Variants in NELL1 observed in about 807,000 individuals in gnomAD.
NELL1 encodes the protein protein kinase C-binding protein NELL1.
Under a neutral mutation model 107.4 loss-of-function variants are expected in NELL1, and 76 were observed. The observed-to-expected ratio is 0.71, with a 90% CI of 0.59 to 0.86. The LOEUF is 0.86. NELL1 is among the 40% of genes least tolerant of loss of function. The pLI is 0.00. For missense variants in NELL1, 1,024 were observed against 1,005.5 expected, an observed-to-expected ratio of 1.02 and a Z score of -0.25; for synonymous variants, 353 against 341.2, an observed-to-expected ratio of 1.03 and a Z score of -0.38.
At chr11:20,872,024 A>AAG (rs1477081231) in intron 4 of NELL1, among the ~76,000 whole-genome samples, 1 of 149,352 alleles carries the variant, frequency 6.7e-6, no homozygotes, top group East Asian at 2.0e-4. Context: ...GTCTCAAAAA[A>AAG]AAAAAAAAAA....
At chr11:21,077,003 C>T (rs975219853) in intron 12 of NELL1, among the ~76,000 whole-genome samples, 3 of 152,042 alleles carry the variant, frequency 2.0e-5, no homozygotes, top group African/African-American at 7.2e-5. Context: ...TATAAATTAC[C>T]GAGTCTCAGG....
intron 13 of NELL1, among the ~76,000 whole-genome samples, chr11:21,128,089 G>A (rs1023982981): frequency 3.9e-4 from 59 of 152,124 alleles, no homozygotes; most frequent in Non-Finnish European, 1.5e-4. Context: ...TCCTGGAGGG[G>A]AGCATCTTAG....
chr11:21,136,495 A>G (rs1405826412), intron 13 of NELL1, among the ~76,000 whole-genome samples: 1 of 152,158 alleles, frequency 6.6e-6, no homozygotes, highest in Non-Finnish European at 1.5e-5. Context: ...CTATATTTCC[A>G]ATATAGAAAT....
At chr11:21,277,778 C>A (rs1467316338) in intron 14 of NELL1, among the ~76,000 whole-genome samples, 2 of 152,086 alleles carry the variant, frequency 1.3e-5, no homozygotes, top group Non-Finnish European at 2.9e-5. Context: ...AAACCATCAT[C>A]CTCAGCAAAC....
At chr11:20,901,648 C>T (rs1367824731) in intron 5 of NELL1, among the ~76,000 whole-genome samples, 1 of 150,350 alleles carries the variant, frequency 6.7e-6, no homozygotes, top group African/African-American at 2.4e-5. Flanking sequence ...AAGACATTTT[C>T]TGAGGGAGAA....
chr11:21,468,344 T>C (rs1250052690), intron 15 of NELL1, among the ~76,000 whole-genome samples: 1 of 152,142 alleles, frequency 6.6e-6, no homozygotes, highest in Non-Finnish European at 1.5e-5. Flanking sequence ...TTCTTAATTA[T>C]GCATCCTTAG....
At chr11:21,409,015 C>G (rs1590909440) in intron 15 of NELL1, among the ~76,000 whole-genome samples, 1 of 152,000 alleles carries the variant, frequency 6.6e-6, no homozygotes, top group East Asian at 1.9e-4. Flanking sequence ...TTGTGGAAGT[C>G]AGTGTGGCGA....
chr11:21,047,836 G>A (rs1476585276), intron 12 of NELL1, among the ~76,000 whole-genome samples: 1 of 152,166 alleles, frequency 6.6e-6, no homozygotes, highest in Non-Finnish European at 1.5e-5. Context: ...AGTCTAAAAG[G>A]TGTACAGCAG....
intron 2 of NELL1, among the ~76,000 whole-genome samples, chr11:20,703,419 C>G (rs1473234040): frequency 6.6e-6 from 1 of 152,084 alleles, no homozygotes; most frequent in Non-Finnish European, 1.5e-5. Flanking sequence ...TGCTAGCAGT[C>G]TATGAATTTT....
intron 15 of NELL1, among the ~76,000 whole-genome samples, chr11:21,453,110 T>G (rs1412111007): frequency 6.6e-6 from 1 of 152,126 alleles, no homozygotes; most frequent in Non-Finnish European, 1.5e-5. Context: ...ATTTTCTAAA[T>G]GTCAATAAGG....
intron 13 of NELL1, among the ~76,000 whole-genome samples, chr11:21,118,964 T>A (rs745558890): frequency 1.3e-5 from 2 of 152,032 alleles, no homozygotes; most frequent in Non-Finnish European, 2.9e-5. Context: ...ATTATTTTAC[T>A]ATGTATGAAA....
chr11:21,187,888 A>G (rs1358369415), intron 13 of NELL1, among the ~76,000 whole-genome samples: 1 of 151,924 alleles, frequency 6.6e-6, no homozygotes, highest in Non-Finnish European at 1.5e-5. Context: ...GATATCATGC[A>G]CTTTAGTAGA....
At chr11:20,694,543 C>A (rs1464347005) in intron 2 of NELL1, among the ~76,000 whole-genome samples, 1 of 152,008 alleles carries the variant, frequency 6.6e-6, no homozygotes, top group African/African-American at 2.4e-5. Flanking sequence ...CATCACTTAT[C>A]TTTGTCCATT....
intron 17 of NELL1, among the ~76,000 whole-genome samples, chr11:21,568,175 C>G (rs754721454): frequency 2.6e-5 from 4 of 151,810 alleles, no homozygotes; most frequent in Non-Finnish European, 5.9e-5. Flanking sequence ...TAAACCTGGA[C>G]AGCATGATAC....
At chr11:21,083,810 A>G (rs183269822) in intron 12 of NELL1, among the ~76,000 whole-genome samples, 7 of 152,368 alleles carry the variant, frequency 4.6e-5, no homozygotes, top group African/African-American at 1.7e-4. Flanking sequence ...TATCATATAA[A>G]TTAAAACACA....
At chr11:20,970,079 C>G (rs1354398326) in intron 12 of NELL1, among the ~76,000 whole-genome samples, 1 of 151,952 alleles carries the variant, frequency 6.6e-6, no homozygotes, top group Non-Finnish European at 1.5e-5. Flanking sequence ...ATCCATCCAT[C>G]CATCCATCCA....
chr11:20,669,555 C>G (rs1853838715), upstream of NELL1: 1 of 316,622 alleles, frequency 3.2e-6, no homozygotes, highest in African/African-American at 2.2e-5. This position sits in a 1 kb window ranked among gnomAD's most constrained non-coding sequence, Gnocchi z 4.4. Flanking sequence ...GCGGCCGGGG[C>G]TGCCTTCCCG....
intron 13 of NELL1, among the ~76,000 whole-genome samples, chr11:21,125,501 A>T (rs913232363): frequency 5.9e-5 from 9 of 152,196 alleles, no homozygotes; most frequent in Non-Finnish European, 4.4e-5. Context: ...ATTCTGTAAG[A>T]TATGGTTTCT....
chr11:20,682,425 T>C (rs1193972973), intron 2 of NELL1, among the ~76,000 whole-genome samples: 2 of 152,038 alleles, frequency 1.3e-5, no homozygotes, highest in African/African-American at 2.4e-5. Flanking sequence ...AATTAATTGG[T>C]ATTTTACACT....
Sources: gnomAD v4.1 joint callset for allele counts (sites outside exome capture counted in the v4.1 genomes callset) on GRCh38, gnomAD v4.1.1 for gene constraint, Gnocchi (gnomAD v3.1) non-coding constraint, MANE v1.5 for transcripts, NCBI Gene and HGNC (gene_info 2026-07-23, HGNC 2026-07-21) for gene names.